PAMR1: variants seen among roughly 807,000 people sequenced by gnomAD.
PAMR1 encodes the protein inactive serine protease PAMR1.
In PAMR1, 88 loss-of-function variants were observed where a neutral mutation model predicts 81.8. That is an observed-to-expected ratio of 1.08 (90% CI 0.91 to 1.28). PAMR1 has a LOEUF of 1.28. Among genes scored for constraint, PAMR1 ranks in the 50% most tolerant of loss-of-function variants. The pLI is 0.00. For missense variants in PAMR1, 935 were observed against 919.7 expected, an observed-to-expected ratio of 1.02 and a Z score of -0.21; for synonymous variants, 336 against 345.3, an observed-to-expected ratio of 0.97 and a Z score of 0.30.
chr11:35,509,712 C>G (rs577298661), intron 1 of PAMR1, among the ~76,000 whole-genome samples: 1 of 151,622 alleles, frequency 6.6e-6, no homozygotes, highest in African/African-American at 2.4e-5. Flanking sequence ...AGAGAAATAC[C>G]AAAGAATCTT....
At chr11:35,518,207 C>A (rs923562528) in intron 1 of PAMR1, among the ~76,000 whole-genome samples, 78 of 122,600 alleles carry the variant, frequency 6.4e-4, no homozygotes, top group Admixed American at 1.4e-3. Flanking sequence ...GGATTCCTTA[C>A]CACCAGCCAT....
At chr11:35,443,276 A>G (rs1025310824) in intron 6 of PAMR1, among the ~76,000 whole-genome samples, 5 of 151,746 alleles carry the variant, frequency 3.3e-5, no homozygotes, top group Non-Finnish European at 5.9e-5. Context: ...AACGTGTGCC[A>G]TGGTGGTTTG....
At chr11:35,506,467 G>A (rs1850958465) in intron 1 of PAMR1, among the ~76,000 whole-genome samples, 2 of 147,016 alleles carry the variant, frequency 1.4e-5, no homozygotes, top group African/African-American at 5.0e-5. Context: ...ACTTCTCTTA[G>A]CATTTCTTGT....
Position 35,487,869 on chromosome 11 carries a change from G to A in PAMR1, c.379+4176C>T, listed in dbSNP as rs534499192. ...CTCAGTTTCATTATCTATAAAATGG[G>A]AGTATGTATTTTCATAGGGTGATTG... is the stretch of plus-strand genomic sequence containing the variant. On this transcript the variant is annotated intron_variant, in intron 3 of 10. Transcript: ENST00000619888. Among the ~76,000 whole-genome samples, 3 of 152,316 alleles carry A rather than the reference G, an allele frequency of 2.0e-5. No homozygotes were observed. In the South Asian group the frequency reaches 6.2e-4, roughly 32 times the overall value.
chr11:35,464,504 T>C (rs1181282852), intron 6 of PAMR1, among the ~76,000 whole-genome samples: 2 of 152,192 alleles, frequency 1.3e-5, no homozygotes, highest in South Asian at 2.1e-4. Context: ...ATCACTGGCC[T>C]CTACCCACTA....
intron 1 of PAMR1, among the ~76,000 whole-genome samples, chr11:35,499,465 T>A (rs1418391028): frequency 1.3e-5 from 2 of 152,192 alleles, no homozygotes; most frequent in South Asian, 4.1e-4. Context: ...ACCAACAGGA[T>A]AAATAATTTG....
chr11:35,507,118 C>G (rs999210659), intron 1 of PAMR1, among the ~76,000 whole-genome samples: 1 of 136,202 alleles, frequency 7.3e-6, no homozygotes, highest in Non-Finnish European at 1.5e-5. Context: ...GCAATCTCAG[C>G]TCACTGCAAC....
chr11:35,496,744 AC>A (rs1850733144), intron 1 of PAMR1, among the ~76,000 whole-genome samples: 3 of 152,238 alleles, frequency 2.0e-5, no homozygotes, highest in African/African-American at 7.2e-5. Context: ...CAGCAATTAC[AC>A]TTCTAGGTAT....
intron 1 of PAMR1, among the ~76,000 whole-genome samples, chr11:35,522,290 A>G (rs1851301122): frequency 6.6e-6 from 1 of 152,188 alleles, no homozygotes; most frequent in Admixed American, 6.5e-5. Context: ...CATCACCACC[A>G]TCTATCTCCA....
intron 6 of PAMR1, among the ~76,000 whole-genome samples, chr11:35,463,763 T>C (rs976699131): frequency 6.6e-6 from 1 of 152,146 alleles, no homozygotes; most frequent in African/African-American, 2.4e-5. Context: ...CTAGGGCAGG[T>C]GAGGCCTGGG....
intron 3 of PAMR1, among the ~76,000 whole-genome samples, chr11:35,487,529 C>T (rs960932041): frequency 6.6e-6 from 1 of 152,228 alleles, no homozygotes; most frequent in Non-Finnish European, 1.5e-5. Context: ...TAACTGACTG[C>T]ATCACCTCCC....
At chr11:35,461,620 A>AC (rs1017686017) in intron 6 of PAMR1, among the ~76,000 whole-genome samples, 5 of 151,896 alleles carry the variant, frequency 3.3e-5, no homozygotes, top group Admixed American at 6.6e-5. Context: ...TAAAAAAAAA[A>AC]ACACACATAC....
intron 6 of PAMR1, among the ~76,000 whole-genome samples, chr11:35,460,307 T>A (rs1590337188): frequency 1.3e-5 from 2 of 151,118 alleles, no homozygotes; most frequent in East Asian, 2.0e-4. Flanking sequence ...TGTATCCTCC[T>A]CTTTCTTTTT....
intron 1 of PAMR1, among the ~76,000 whole-genome samples, chr11:35,510,740 G>C (rs148461914): frequency 7.2e-5 from 11 of 152,200 alleles, no homozygotes; most frequent in African/African-American, 2.6e-4. Context: ...TATCACGAAC[G>C]TTTTCTCTTG....
In PAMR1 at chr11:35,496,768, T is replaced by C. The variant is rs140312310; in HGVS notation, c.74-2496A>G. Among the ~76,000 whole-genome samples, 840 of 152,232 alleles carry C rather than the reference T, an allele frequency of 5.5e-3. 11 individuals are homozygous for C. The highest frequency in any genetic ancestry group is 0.019 in the African/African-American group (799 of 41,518). On this transcript the variant is annotated intron_variant, in intron 1 of 10. Coordinates refer to ENST00000619888, the MANE Select transcript of PAMR1 (RefSeq NM_001001991.3). The stretch of plus-strand genomic sequence containing the variant: ...CACTTCTAGGTATAGATCTAAAAAA[T>C]TGAAAACAGAGACTCAGAGATACTT...
In PAMR1 at chr11:35,434,703, T is replaced by C. The variant is rs769734442; in HGVS notation, c.1435A>G (p.Ser479Gly). ...AGGAACCACGCTCCCTTGTGTAGGCTGCCGTCATGCACCCCGCTGGTCCTC... is the reference window on the plus strand; with the variant it reads ...AGGAACCACGCTCCCTTGTGTAGGCCGCCGTCATGCACCCCGCTGGTCCTC... ...YRRTSGVHDG[S>G]LHKGAWFLVC... Residue 479 changes from serine (S) to glycine (G), a missense_variant, in exon 10 of 11, where the codon AGC becomes GGC. Transcript: ENST00000619888. 9 of 1,614,062 alleles carry C rather than the reference T, an allele frequency of 5.6e-6. No homozygotes were observed. The highest frequency in any genetic ancestry group is 5.0e-5 in the Admixed American group (3 of 59,992).
intron 6 of PAMR1, among the ~76,000 whole-genome samples, chr11:35,461,169 G>A (rs1258732067): frequency 6.6e-6 from 1 of 152,180 alleles, no homozygotes; most frequent in Non-Finnish European, 1.5e-5. Context: ...TGCCTGCCAT[G>A]TTAAGTCCTG....
chr11:35,439,508 C>A (rs753551827), intron 8 of PAMR1, 119 bp downstream of exon 8: 3 of 838,962 alleles, frequency 3.6e-6, no homozygotes, highest in Non-Finnish European at 6.2e-6. Flanking sequence ...CCAGTTAGCA[C>A]TAAATGTCCC....
At chr11:35,528,750 C>G (rs993862044), upstream of PAMR1, among the ~76,000 whole-genome samples, 1 of 152,158 alleles carries the variant, frequency 6.6e-6, no homozygotes, top group Non-Finnish European at 1.5e-5. Context: ...CTTTACTTCT[C>G]TAGGTTCAGG....
Sources: allele counts gnomAD v4.1 joint callset (sites outside exome capture counted in the v4.1 genomes callset), GRCh38; gene constraint gnomAD v4.1.1; transcripts MANE v1.5; gene names NCBI Gene and HGNC (gene_info 2026-07-23, HGNC 2026-07-21).